RBBP7: variants seen among roughly 807,000 people sequenced by gnomAD.
RBBP7 encodes histone-binding protein RBBP7.
RBBP7 carries 5 observed loss-of-function variants against 35.2 expected under a neutral mutation model. The ratio of observed to expected loss-of-function variants is 0.14; its 90% CI spans 0.07 to 0.30. RBBP7 has a LOEUF of 0.30. RBBP7 is among the 10% of genes least tolerant of loss of function. The probability of loss-of-function intolerance (pLI) is 1.00; values close to 1 mark genes in which losing one functional copy is unlikely to be tolerated. For synonymous variants in RBBP7, 140 were observed against 118.7 expected (o/e 1.18, Z -1.17); for missense variants, 155 against 327.5 (o/e 0.47, Z 4.07).
intron 2 of RBBP7, among the ~76,000 whole-genome samples, chrX:16,867,679 A>C (rs898337028): frequency 4.5e-5 from 5 of 110,524 alleles, no homozygotes. Flanking sequence ...TATAATAATT[A>C]TTTTTATTTT....
At chrX:16,848,278 GAAAA>G (rs899047023) in intron 10 of RBBP7, 2 of 108,936 alleles carry the variant, frequency 1.8e-5, no homozygotes, top group Non-Finnish European at 3.8e-5. Flanking sequence ...AACAAAAAAA[GAAAA>G]AAAACCCCCA....
At chrX:16,860,368 CTTAA>C (rs1447653419) in intron 3 of RBBP7, among the ~76,000 whole-genome samples, 1 of 110,624 alleles carries the variant, frequency 9.0e-6, no homozygotes, top group Non-Finnish European at 1.9e-5. Flanking sequence ...AAGTCACTGT[CTTAA>C]TGATAATATC....
chrX:16,845,131 T>TAA, intron 11 of RBBP7, 28 bp from the exon 12 acceptor site: 1 of 1,061,953 alleles, frequency 9.4e-7, no homozygotes, highest in Non-Finnish European at 1.3e-6. Context: ...AATTCACAGG[T>TAA]AAAAACTCCC....
intron 2 of RBBP7, among the ~76,000 whole-genome samples, chrX:16,867,954 C>T (rs1299667470): frequency 2.7e-5 from 3 of 111,111 alleles, no homozygotes; most frequent in Non-Finnish European, 5.7e-5. Flanking sequence ...CGAAGTGCTA[C>T]GATTACAGGC....
chrX:16,849,311 T>G lies in RBBP7; in HGVS notation c.1041-10A>C, dbSNP rs974572218. 1.7e-6 allele frequency: 2 copies of G among 1,200,101 alleles called. No individual in the cohort carries two copies. The highest frequency in any genetic ancestry group is 2.3e-6 in the Non-Finnish European group (2 of 886,906). ...TTCTTCCCCAATTTTACTGTAAGAA[T>G]AAAGAATATAACGCTTTCATCAGTG... is the stretch of plus-strand genomic sequence containing the variant. On this transcript the variant is annotated splice_polypyrimidine_tract_variant and intron_variant, in intron 9 of 11. Coordinates refer to ENST00000380087, the MANE Select transcript of RBBP7 (RefSeq NM_002893.4).
intron 6 of RBBP7, 165 bp downstream of exon 6, chrX:16,853,517 C>T: frequency 2.4e-6 from 1 of 409,573 alleles, no homozygotes; most frequent in Non-Finnish European, 3.8e-6. Flanking sequence ...AAGCAATCCT[C>T]CTGCCTCAGC....
chrX:16,869,880 G>T (rs1231070291), intron 1 of RBBP7, 158 bp downstream of exon 1: 2 of 806,538 alleles, frequency 2.5e-6, no homozygotes, highest in East Asian at 8.7e-5. Flanking sequence ...CGGCGGTCCC[G>T]TCCCGCGCAG....
At chrX:16,853,888 A>G in intron 5 of RBBP7, 46 bp from the exon 6 acceptor site, 1 of 961,150 alleles carries the variant, frequency 1.0e-6, no homozygotes, top group Non-Finnish European at 1.3e-6. Context: ...GCTATAAGAG[A>G]CTGATTTTTT....
chrX:16,856,592 C>G (rs1255749758), intron 5 of RBBP7, among the ~76,000 whole-genome samples: 2 of 109,603 alleles, frequency 1.8e-5, no homozygotes, highest in East Asian at 2.9e-4. Flanking sequence ...ACCCCCAAGC[C>G]AAAAACAAAC....
intron 9 of RBBP7, among the ~76,000 whole-genome samples, chrX:16,850,837 G>GC (rs1006958483): frequency 3.6e-5 from 4 of 112,491 alleles, no homozygotes; most frequent in African/African-American, 1.3e-4. Context: ...AATGGCTCAT[G>GC]CCTGTAATCC....
intron 2 of RBBP7, among the ~76,000 whole-genome samples, chrX:16,864,526 C>CAAAAAAA (rs61357554): frequency 5.4e-4 from 14 of 26,131 alleles, no homozygotes; most frequent in African/African-American, 1.2e-3. Context: ...ACTCCGTCTC[C>CAAAAAAA]AAAAAAAAAA....
In RBBP7 at chrX:16,849,445, G is replaced by T. The variant is rs892328567; in HGVS notation, c.1041-144C>A. On this transcript the variant is annotated intron_variant, in intron 9 of 11. Coordinates refer to ENST00000380087, the MANE Select transcript of RBBP7 (RefSeq NM_002893.4). ...TTATTTCTATACTACAATCAATTAGGTTTTTTTTTTCCTTAGAGACATGGC... is the reference window on the plus strand; with the variant it reads ...TTATTTCTATACTACAATCAATTAGTTTTTTTTTTTCCTTAGAGACATGGC... 14 of 451,780 alleles carry T rather than the reference G, an allele frequency of 3.1e-5. No homozygotes were observed. In the Admixed American group the frequency reaches 3.9e-4, roughly 13 times the overall value. The allele number at this position is 451,780 out of a possible 1,213,427, so 37.2% of individuals were successfully genotyped here.
chrX:16,866,943 T>C (rs1356168974), intron 2 of RBBP7, among the ~76,000 whole-genome samples: 1 of 111,860 alleles, frequency 8.9e-6, no homozygotes, highest in East Asian at 2.8e-4. Context: ...AAGAACACCA[T>C]GATACACATT....
intron 10 of RBBP7, chrX:16,846,158 C>CTGT: frequency 2.5e-6 from 1 of 402,588 alleles, no homozygotes; most frequent in Non-Finnish European, 3.7e-6. Context: ...ACCTGTATAC[C>CTGT]CTTTACCTAG....
At chrX:16,869,245 G>A (rs376459151) in intron 1 of RBBP7, 25 bp from the exon 2 acceptor site, 9 of 1,198,226 alleles carry the variant, frequency 7.5e-6, no homozygotes, top group Non-Finnish European at 1.0e-5. Context: ...AAGCCCACAC[G>A]ATTAAGTGGC....
chrX:16,870,141 C>A lies in RBBP7; in HGVS notation c.-88G>T. 1 of 1,007,843 alleles carries A rather than the reference C, an allele frequency of 9.9e-7. No homozygotes were observed. Among genetic ancestry groups the A allele is most frequent in the Non-Finnish European group, 1.3e-6 (1 of 782,759 alleles). The allele number at this position is 1,007,843 out of a possible 1,213,427, so 83.1% of individuals were successfully genotyped here. A position where few individuals can be genotyped will look rare whatever the true frequency, so the allele number is the denominator to read the frequency against. On this transcript the variant is annotated 5_prime_UTR_variant, in exon 1 of 12. Transcript: ENST00000380087. ...CCGACCGCTGGCGCTCCTGCCTTTC[C>A]CAAGCGCGTCACACTCCCCACTGTC...
intron 3 of RBBP7, 130 bp from the exon 4 acceptor site, chrX:16,858,979 C>T: frequency 1.0e-6 from 1 of 988,625 alleles, no homozygotes; most frequent in Non-Finnish European, 1.3e-6. Context: ...AAGACAGAAA[C>T]ATGCATAGAG....
intron 2 of RBBP7, among the ~76,000 whole-genome samples, chrX:16,866,542 A>G (rs1458729956): frequency 2.0e-5 from 2 of 100,467 alleles, no homozygotes; most frequent in African/African-American, 3.7e-5. Flanking sequence ...AAAAAAAAAA[A>G]AAAAAAAAAA....
intron 3 of RBBP7, among the ~76,000 whole-genome samples, chrX:16,860,879 T>G (rs952323146): frequency 7.3e-5 from 8 of 109,779 alleles, no homozygotes; most frequent in Non-Finnish European, 1.5e-4. Context: ...AATTTCTGAT[T>G]ACAATATATT....
Sources: gnomAD v4.1 joint callset for allele counts (sites outside exome capture counted in the v4.1 genomes callset) on GRCh38, gnomAD v4.1.1 for gene constraint, MANE v1.5 for transcripts, NCBI Gene and HGNC (gene_info 2026-07-23, HGNC 2026-07-21) for gene names.